The following FBN3 variants were observed in gnomAD, a reference collection of about 807,000 sequenced individuals.
The protein encoded by FBN3 is fibrillin-3.
A neutral mutation model predicts 330.1 loss-of-function variants in FBN3; 234 were observed. The observed-to-expected ratio is 0.71, with a 90% CI of 0.64 to 0.79. The LOEUF (loss-of-function observed/expected upper bound fraction) is 0.79, where lower values mean the gene tolerates loss of function less well. Ranked by LOEUF, FBN3 falls within the 30% of genes least tolerant of loss-of-function variation. The pLI, the probability that FBN3 is intolerant of heterozygous loss-of-function variation, is 0.00. For missense variants in FBN3, 3,606 were observed against 3,886.9 expected (o/e 0.93, Z 1.92); for synonymous variants, 1,458 against 1,517.3 (o/e 0.96, Z 0.91).
chr19:8,133,965 G>A lies in FBN3; in HGVS notation c.1592-859C>T, dbSNP rs184993685. Among the ~76,000 whole-genome samples, 245 of 150,848 alleles carry A rather than the reference G, an allele frequency of 1.6e-3. 2 individuals are homozygous for A. Among genetic ancestry groups the A allele is most frequent in the African/African-American group, 5.2e-3 (216 of 41,146 alleles). ...AATGTGGCTGGGTGCGGTGGTTCAC[G>A]CCCGTAATCCCAGCACTTTGGGAGG... On this transcript the variant is annotated intron_variant, in intron 13 of 63. Transcript: ENST00000600128.
intron 54 of FBN3, 68 bp from the exon 55 acceptor site, chr19:8,086,393 AAGG>A: frequency 7.6e-7 from 1 of 1,312,580 alleles, no homozygotes; most frequent in Non-Finnish European, 1.1e-6. Flanking sequence ...CACAGCCCCA[AAGG>A]GCCCCTTTGG....
At chr19:8,123,073 G>A (rs946025531) in intron 24 of FBN3, among the ~76,000 whole-genome samples, 2 of 151,638 alleles carry the variant, frequency 1.3e-5, no homozygotes, top group African/African-American at 4.8e-5. Context: ...ACAGGTGTTC[G>A]CCAGGCACAG....
chr19:8,145,373 C>CAA (rs55926242), intron 5 of FBN3, among the ~76,000 whole-genome samples: 19 of 86,346 alleles, frequency 2.2e-4, no homozygotes, highest in East Asian at 7.6e-4. Context: ...AACTCCATCT[C>CAA]AAAAAAAAAA....
intron 22 of FBN3, 31 bp downstream of exon 22, chr19:8,125,858 TGTG>T: frequency 6.4e-7 from 1 of 1,574,548 alleles, no homozygotes; most frequent in Non-Finnish European, 8.6e-7. Context: ...AGGAAGAACG[TGTG>T]GCCCTGTATG....
chr19:8,108,307 C>A, intron 36 of FBN3, 69 bp from the exon 37 acceptor site: 1 of 1,275,688 alleles, frequency 7.8e-7, no homozygotes, highest in Non-Finnish European at 1.1e-6. Context: ...AGGGGAGCAA[C>A]AGCAGGAAGC....
chr19:8,111,789 A>G lies in FBN3; in HGVS notation c.3962-19T>C. On this transcript the variant is annotated intron_variant, in intron 31 of 63. Coordinates refer to ENST00000600128, the MANE Select transcript of FBN3 (RefSeq NM_032447.5). ...TCCAGGTCTGCAGGAGATGGAGCCC[A>G]GACCCCCCACCCCATGGTGTGTGCA... is the stretch of plus-strand genomic sequence containing the variant. 1 of 1,610,256 alleles carries G rather than the reference A, an allele frequency of 6.2e-7. No individual in the cohort carries two copies. The highest frequency in any genetic ancestry group is 8.5e-7 in the Non-Finnish European group (1 of 1,177,578).
intron 61 of FBN3, 144 bp downstream of exon 61, chr19:8,074,927 G>T: frequency 9.2e-7 from 1 of 1,083,614 alleles, no homozygotes; most frequent in Non-Finnish European, 1.3e-6. Flanking sequence ...CAGCAGTGGG[G>T]AACTCACTAC....
At chr19:8,127,897 C>T (rs2083031868) in intron 18 of FBN3, among the ~76,000 whole-genome samples, 1 of 152,188 alleles carries the variant, frequency 6.6e-6, no homozygotes, top group African/African-American at 2.4e-5. Flanking sequence ...AGGATAATCT[C>T]TTAAACGGCG....
intron 3 of FBN3, among the ~76,000 whole-genome samples, chr19:8,146,760 G>A (rs1366757680): frequency 1.3e-5 from 2 of 151,954 alleles, no homozygotes; most frequent in African/African-American, 4.8e-5. Flanking sequence ...TGAGGCCAGA[G>A]TTTGAGACCA....
rs2082534996 is a variant in FBN3 at position 8,109,761 on chromosome 19, G to A, written c.4334-8C>T. ...CTGCACACTCGTTGATGTCTGTAGG[G>A]AGGAAGCGCGGTCCTCAGCAGGGAG... On this transcript the variant is annotated splice_polypyrimidine_tract_variant and splice_region_variant and intron_variant, in intron 34 of 63. Transcript: ENST00000600128. This position sits in a 1 kb window ranked among gnomAD's most constrained non-coding sequence, Gnocchi z 5.2. The A allele has an allele frequency of 6.7e-7, 1 of 1,487,242 alleles. No individual in the cohort carries two copies. Among genetic ancestry groups the A allele is most frequent in the Non-Finnish European group, 8.9e-7 (1 of 1,117,936 alleles). 92.1% of individuals were successfully genotyped at this position (1,487,242 alleles called of 1,614,324 possible).
chr19:8,067,542 T>G (rs1338093741), intron 63 of FBN3, among the ~76,000 whole-genome samples: 3 of 152,086 alleles, frequency 2.0e-5, no homozygotes, highest in Non-Finnish European at 1.5e-5. Context: ...GAGGCTGATG[T>G]GGGAGGTCCC....
At chr19:8,095,646 T>TTC in intron 45 of FBN3, 143 bp from the exon 46 acceptor site, 1 of 840,858 alleles carries the variant, frequency 1.2e-6, no homozygotes, top group South Asian at 1.8e-5. Flanking sequence ...TATATTAGCC[T>TTC]TCTACCTATC....
At chr19:8,074,820 T>C (rs2081601835) in intron 61 of FBN3, 1 of 465,150 alleles carries the variant, frequency 2.1e-6, no homozygotes, top group Admixed American at 3.9e-5. Flanking sequence ...AGACTTCAGG[T>C]CTCAGAATCT....
chr19:8,133,492 C>A (rs2144984256), intron 13 of FBN3, among the ~76,000 whole-genome samples: 1 of 152,130 alleles, frequency 6.6e-6, no homozygotes, highest in South Asian at 2.1e-4. Flanking sequence ...GCTCTGTCGC[C>A]CAGGCTGGAG....
chr19:8,096,920 T>C lies in FBN3; in HGVS notation c.5374A>G (p.Thr1792Ala). 6.2e-7 allele frequency: 1 copy of C among 1,613,798 alleles called. No individual in the cohort carries two copies. The highest frequency in any genetic ancestry group is 8.5e-7 in the Non-Finnish European group (1 of 1,180,014). Residue 1792 changes from threonine (T) to alanine (A), a missense_variant, in exon 43 of 64, where the codon ACC (threonine) becomes GCC (alanine). Thr to Ala is a moderately conservative substitution (Grantham distance 58, BLOSUM62 0). Transcript: ENST00000600128. This position sits in a 1 kb window ranked among gnomAD's most constrained non-coding sequence, Gnocchi z 4.6. Reference protein sequence around the residue: ...NIPGSYRCKCTRGYKLSPGGA... With the variant: ...NIPGSYRCKCARGYKLSPGGA... The stretch of plus-strand genomic sequence containing the variant: ...CCTGGCGACAGTTTGTACCCTCGGG[T>C]GCACTTGCAGCGGTAGCTACCGGGG...
In FBN3 at chr19:8,135,983, G is replaced by T. The variant is rs777143785; in HGVS notation, c.1569C>A (p.Ser523Arg). The T allele has an allele frequency of 6.1e-5, 79 of 1,304,362 alleles. No homozygotes were observed. Among genetic ancestry groups the T allele is most frequent in the Non-Finnish European group, 7.6e-5 (75 of 993,324 alleles). The allele number at this position is 1,304,362 out of a possible 1,614,324, so 80.8% of individuals were successfully genotyped here. The change falls in exon 13 of 64, where the codon AGC becomes AGA. Residue 523 changes from serine to arginine, a missense_variant. Transcript: ENST00000600128. The stretch of plus-strand genomic sequence containing the variant: ...CACCCACACAGTTCTTGCCGTCAGG[G>T]CTGAGCTCGAAGCCTGCATTGCAGA... ...QCVCNAGFEL[S>R]PDGKNCVDHN...
chr19:8,140,265 A>T (rs912098689), intron 8 of FBN3, among the ~76,000 whole-genome samples: 2 of 152,058 alleles, frequency 1.3e-5, no homozygotes, highest in African/African-American at 4.8e-5. Context: ...AGAGTTTGAG[A>T]CCAGCCTGGC....
intron 61 of FBN3, among the ~76,000 whole-genome samples, chr19:8,073,739 G>A (rs1410052293): frequency 6.6e-6 from 1 of 152,178 alleles, no homozygotes; most frequent in Non-Finnish European, 1.5e-5. Flanking sequence ...GAGTGCAGTG[G>A]TGCAACCATA....
chr19:8,116,537 C>G (rs1308811319), intron 29 of FBN3, 137 bp downstream of exon 29: 1 of 911,412 alleles, frequency 1.1e-6, no homozygotes, highest in East Asian at 2.4e-5. Flanking sequence ...GTTACAAAGC[C>G]TCATCTTCCT....
Sources: allele counts gnomAD v4.1 joint callset (sites outside exome capture counted in the v4.1 genomes callset), GRCh38; gene constraint gnomAD v4.1.1; non-coding constraint Gnocchi (gnomAD v3.1); transcripts MANE v1.5; gene names NCBI Gene and HGNC (gene_info 2026-07-23, HGNC 2026-07-21).